Variants in ALPL observed in about 807,000 individuals in gnomAD.
ALPL encodes the protein alkaline phosphatase, biomineralization associated, also known as alkaline phosphatase, tissue-nonspecific isozyme.
A neutral mutation model predicts 51.3 loss-of-function variants in ALPL; 42 were observed. That is an observed-to-expected ratio of 0.82 (90% confidence interval 0.64 to 1.06). ALPL has a LOEUF of 1.06. ALPL is among the 50% of genes least tolerant of loss of function. ALPL has a pLI of 0.00. For missense variants in ALPL, 589 were observed against 709.4 expected, an observed-to-expected ratio of 0.83 and a Z score of 1.93; for synonymous variants, 279 against 296.4, an observed-to-expected ratio of 0.94 and a Z score of 0.60.
chr1:21,577,254 C>T, intron 11 of ALPL, 129 bp from the exon 12 acceptor site: 1 of 1,464,214 alleles, frequency 6.8e-7, no homozygotes. Context: ...GACTTTCCCA[C>T]ATTGAGCCTC....
chr1:21,513,696 G>A (rs1472991570), intron 1 of ALPL, among the ~76,000 whole-genome samples: 1 of 152,196 alleles, frequency 6.6e-6, no homozygotes, highest in Non-Finnish European at 1.5e-5. Context: ...GTGGGGGATT[G>A]TTGACTTTTG....
At chr1:21,552,384 C>A (rs1336100762) in intron 1 of ALPL, among the ~76,000 whole-genome samples, 1 of 149,530 alleles carries the variant, frequency 6.7e-6, no homozygotes, top group African/African-American at 2.5e-5. Context: ...GAGGCTGAGG[C>A]AGGAAAATTG....
At chr1:21,533,696 G>A (rs1305864566) in intron 1 of ALPL, among the ~76,000 whole-genome samples, 2 of 152,090 alleles carry the variant, frequency 1.3e-5, no homozygotes, top group Non-Finnish European at 2.9e-5. Flanking sequence ...TGAGGTGGGT[G>A]GATTACCTGA....
intron 4 of ALPL, 130 bp from the exon 5 acceptor site, chr1:21,562,980 G>A (rs556004857): frequency 4.0e-6 from 5 of 1,253,078 alleles, no homozygotes; most frequent in Admixed American, 1.8e-5. Context: ...AGTGGGCAGT[G>A]GGCCTGGTCA....
intron 1 of ALPL, among the ~76,000 whole-genome samples, chr1:21,541,741 ATTGG>A (rs1295629489): frequency 6.6e-6 from 1 of 152,184 alleles, no homozygotes; most frequent in African/African-American, 2.4e-5. Context: ...GGAGGGATTC[ATTGG>A]TTGGACAGCA....
chr1:21,562,789 G>A (rs1003742914), intron 4 of ALPL, among the ~76,000 whole-genome samples: 44 of 149,034 alleles, frequency 3.0e-4, no homozygotes, highest in South Asian at 1.7e-3. Flanking sequence ...CCAACCCCTT[G>A]CTGGCTCCTG....
In ALPL at chr1:21,573,764, G is replaced by A. The variant is rs138679161; in HGVS notation, c.962G>A (p.Arg321Gln). Residue 321 changes from arginine (R) to glutamine (Q), a missense_variant, in exon 9 of 12, where the codon CGG (arginine) becomes CAG (glutamine). Transcript: ENST00000374840. ...EMVVVAIQIL[R>Q]KNPKGFFLLV... is the part of the protein sequence containing the mutation. ...GTGGTGGTGGCCATCCAGATCCTGC[G>A]GAAGAACCCCAAAGGCTTCTTCTTG... The A allele has an allele frequency of 2.0e-5, 33 of 1,614,000 alleles. No individual in the cohort carries two copies. Among genetic ancestry groups the A allele is most frequent in the South Asian group, 1.2e-4 (11 of 91,076 alleles).
intron 1 of ALPL, among the ~76,000 whole-genome samples, chr1:21,545,575 G>A (rs201099065): frequency 6.6e-6 from 1 of 151,924 alleles, no homozygotes; most frequent in East Asian, 1.9e-4. Context: ...ACAGGAGTGA[G>A]CCACCATGCC....
intron 1 of ALPL, among the ~76,000 whole-genome samples, chr1:21,527,015 G>GTTCCT (rs1643953269): frequency 7.1e-6 from 1 of 140,528 alleles, no homozygotes; most frequent in Non-Finnish European, 1.6e-5. Context: ...TGTTATTCTT[G>GTTCCT]TTCTTTTCTT....
chr1:21,518,455 G>A (rs956333245), intron 1 of ALPL, among the ~76,000 whole-genome samples: 2 of 152,004 alleles, frequency 1.3e-5, no homozygotes, highest in South Asian at 4.2e-4. Flanking sequence ...GGTAAGTGTC[G>A]GAGCTACGAT....
At chr1:21,530,638 G>C (rs1644015081) in intron 1 of ALPL, among the ~76,000 whole-genome samples, 2 of 152,140 alleles carry the variant, frequency 1.3e-5, no homozygotes, top group African/African-American at 4.8e-5. Flanking sequence ...AGGAGAAGGG[G>C]CTATATGCCT....
chr1:21,554,863 T>C lies in ALPL; in HGVS notation c.61+721T>C, dbSNP rs866639966. Among the ~76,000 whole-genome samples, 1,128 of 135,330 alleles carry C rather than the reference T, an allele frequency of 8.3e-3. 17 individuals carry two copies. Among genetic ancestry groups the C allele is most frequent in the African/African-American group, 0.026 (978 of 36,994 alleles). The allele number at this position is 135,330 out of a possible 152,430, so 88.8% of individuals were successfully genotyped here. ...TTTCTTTCTTTCTTTCTTTCTTTCT[T>C]TCTTTCTTTCTCTCTTTCTTTCTTT... On this transcript the variant is annotated intron_variant, in intron 2 of 11. Transcript: ENST00000374840.
At chr1:21,550,678 A>T (rs1644309434) in intron 1 of ALPL, among the ~76,000 whole-genome samples, 1 of 151,974 alleles carries the variant, frequency 6.6e-6, no homozygotes, top group Admixed American at 6.6e-5. Context: ...CCGCACCAGC[A>T]CCCCAGCAGC....
Position 21,568,089 on chromosome 1 carries a change from T to G in ALPL, c.649-15T>G, listed in dbSNP as rs372291000. ...CTTGGAACCCTGCAGAAGTGATGGC[T>G]CCTGTCTCTTTTAGGTGATCATGGG... On this transcript the variant is annotated splice_polypyrimidine_tract_variant and intron_variant, in intron 6 of 11. Coordinates refer to ENST00000374840, the MANE Select transcript of ALPL (RefSeq NM_000478.6). 6.2e-7 allele frequency: 1 copy of G among 1,613,894 alleles called. No individual in the cohort carries two copies. The highest frequency in any genetic ancestry group is 1.3e-5 in the African/African-American group (1 of 74,908).
chr1:21,577,558 C>T lies in ALPL; in HGVS notation c.1485C>T (p.Gly495=). The T allele has an allele frequency of 1.2e-6, 2 of 1,604,684 alleles. No homozygotes were observed. Among genetic ancestry groups the T allele is most frequent in the Non-Finnish European group, 1.7e-6 (2 of 1,179,854 alleles). Residue 495 remains glycine, a synonymous_variant, in exon 12 of 12, where the codon GGC becomes GGT. Transcript: ENST00000374840. ...CAGCCTGCATCGGGGCCAACCTCGG[C>T]CACTGTGCTCCTGCCAGCTCGGCAG... ...AYAACIGANL[G]HCAPASSAGS...
intron 1 of ALPL, among the ~76,000 whole-genome samples, chr1:21,523,500 G>T (rs1424098824): frequency 6.6e-6 from 1 of 152,214 alleles, no homozygotes; most frequent in Non-Finnish European, 1.5e-5. Context: ...CAGCAGGCCT[G>T]TGCCAGGGTG....
intron 5 of ALPL, 125 bp downstream of exon 5, chr1:21,563,409 C>A: frequency 1.6e-6 from 2 of 1,225,360 alleles, no homozygotes; most frequent in Non-Finnish European, 2.2e-6. Context: ...CTCTGATATG[C>A]TGGGAGTCTG....
chr1:21,531,594 AC>A (rs1644031460), intron 1 of ALPL, among the ~76,000 whole-genome samples: 1 of 152,244 alleles, frequency 6.6e-6, no homozygotes, highest in Admixed American at 6.5e-5. Context: ...CTGGGAGGAC[AC>A]GGAGTCAGCA....
rs71016920 is a variant in ALPL at position 21,539,656 on chromosome 1, C to CTT, written c.-104-14307_-104-14306dup. Among the ~76,000 whole-genome samples the CTT allele has an allele frequency of 1.9e-3, 252 of 133,656 alleles. 3 individuals carry two copies. Among genetic ancestry groups the CTT allele is most frequent in the Admixed American group, 1.8e-3 (23 of 12,836 alleles). The allele number at this position is 133,656 out of a possible 152,430, so 87.7% of individuals were successfully genotyped here. A position where few individuals can be genotyped will look rare whatever the true frequency, so the allele number is the denominator to read the frequency against. On this transcript the variant is annotated intron_variant, in intron 1 of 11. Transcript: ENST00000374840. ...TCTCTGTGTCTTCCTTTTCTTTTTC[C>CTT]TTTTTTTTTTTTTTTTGAGATGGAG...
Sources: allele counts gnomAD v4.1 joint callset (sites outside exome capture counted in the v4.1 genomes callset), GRCh38; gene constraint gnomAD v4.1.1; transcripts MANE v1.5; gene names NCBI Gene and HGNC (gene_info 2026-07-23, HGNC 2026-07-21).